Variants in USP31 observed in about 807,000 individuals in gnomAD.
The protein encoded by USP31 is ubiquitin carboxyl-terminal hydrolase 31.
Under a neutral mutation model 119.4 loss-of-function variants are expected in USP31, and 44 were observed. That is an observed-to-expected ratio of 0.37 (90% CI 0.29 to 0.47). The LOEUF is 0.47. USP31 is among the 20% of genes least tolerant of loss of function. USP31 has a pLI of 0.99. For missense variants in USP31, 1,643 were observed against 1,730.2 expected, an observed-to-expected ratio of 0.95 and a Z score of 0.89; for synonymous variants, 749 against 705.6, an observed-to-expected ratio of 1.06 and a Z score of -0.97.
At chr16:23,137,704 CTAAGTA>C (rs1903234943) in intron 1 of USP31, among the ~76,000 whole-genome samples, 1 of 151,124 alleles carries the variant, frequency 6.6e-6, no homozygotes, top group African/African-American at 2.4e-5. Context: ...TTTTGATGTT[CTAAGTA>C]TATGTCTGGA....
At chr16:23,099,254 C>A (rs1204289828) in intron 6 of USP31, among the ~76,000 whole-genome samples, 26 of 152,192 alleles carry the variant, frequency 1.7e-4, no homozygotes, top group Admixed American at 1.7e-3. Flanking sequence ...AAATGCAAAT[C>A]AAAACCACAA....
At chr16:23,102,769 T>C (rs1901937076) in intron 5 of USP31, among the ~76,000 whole-genome samples, 1 of 152,228 alleles carries the variant, frequency 6.6e-6, no homozygotes, top group South Asian at 2.1e-4. Context: ...AGAGTCTATT[T>C]TTTCTTGTCA....
chr16:23,087,758 A>T lies in USP31; in HGVS notation c.1493T>A (p.Met498Lys). Residue 498 changes from methionine (M) to lysine (K), a missense_variant, in exon 8 of 16, where the codon ATG becomes AAG. Met to Lys is a moderately conservative substitution (Grantham distance 95). Around this residue, in one of 5 missense-constraint regions of USP31, gnomAD observed 219 missense variants for 226.4 expected, o/e 0.97. Transcript: ENST00000219689. The stretch of plus-strand genomic sequence containing the variant: ...AACCGTGGGCCTCAAGAAATACTTC[A>T]TCTTCTCCAAGATTTCCTTCTGCAG... ...DLLQKEILEKMKYFLRPTVCI... is the reference protein window; with the variant it reads ...DLLQKEILEKKKYFLRPTVCI... 6.2e-7 allele frequency: 1 copy of T among 1,614,106 alleles called. No individual in the cohort carries two copies.
chr16:23,145,548 G>A (rs1256919229), intron 1 of USP31, among the ~76,000 whole-genome samples: 1 of 152,164 alleles, frequency 6.6e-6, no homozygotes, highest in East Asian at 1.9e-4. Context: ...AGCCTGCTGA[G>A]GGGGCTTCTG....
chr16:23,083,819 C>A (rs1234669611), intron 11 of USP31, among the ~76,000 whole-genome samples: 3 of 149,712 alleles, frequency 2.0e-5, no homozygotes, highest in Non-Finnish European at 4.4e-5. Flanking sequence ...AAGCTATTTT[C>A]AAATATTCGA....
At chr16:23,113,634 G>C (rs923367251) in intron 1 of USP31, among the ~76,000 whole-genome samples, 1 of 152,082 alleles carries the variant, frequency 6.6e-6, no homozygotes, top group Non-Finnish European at 1.5e-5. Flanking sequence ...TATCAGAGAG[G>C]GTTAAAAGAA....
intron 13 of USP31, among the ~76,000 whole-genome samples, chr16:23,078,466 C>T (rs113334177): frequency 6.6e-6 from 1 of 152,146 alleles, no homozygotes; most frequent in African/African-American, 2.4e-5. Context: ...ACCTGTCTAT[C>T]CACCCCACTC....
chr16:23,074,625 T>TC (rs111425947), intron 13 of USP31, among the ~76,000 whole-genome samples: 39 of 152,306 alleles, frequency 2.6e-4, no homozygotes, highest in African/African-American at 8.7e-4. Flanking sequence ...TGAAGCCCTA[T>TC]CCTGCCCTGC....
chr16:23,082,296 G>A (rs1180542073), intron 12 of USP31, 142 bp downstream of exon 12: 2 of 1,124,932 alleles, frequency 1.8e-6, no homozygotes, highest in Non-Finnish European at 2.5e-6. Flanking sequence ...AAACACAGGG[G>A]CAAAAGTGTG....
intron 1 of USP31, among the ~76,000 whole-genome samples, chr16:23,119,543 G>A (rs1323324696): frequency 6.6e-6 from 1 of 152,184 alleles, no homozygotes; most frequent in Non-Finnish European, 1.5e-5. Flanking sequence ...CATTCTAAAT[G>A]TCAATTCTCA....
chr16:23,068,865 A>G lies in USP31; in HGVS notation c.3240T>C (p.Ser1080=), dbSNP rs1372938766. The G allele has an allele frequency of 6.3e-7, 1 of 1,582,278 alleles. No homozygotes were observed. Residue 1080 remains serine (S), a synonymous_variant, in exon 16 of 16, where the codon TCT becomes TCC. Transcript: ENST00000219689. ...PSRSRSKADS[S]SRGSGRHSSP... is the part of the protein sequence containing the mutation. ...ATGAATGCCGTCCACTGCCCCTGGAAGAAGAATCTGCTTTGCTGCGGGAGC... is the reference window on the plus strand; with the variant it reads ...ATGAATGCCGTCCACTGCCCCTGGAGGAAGAATCTGCTTTGCTGCGGGAGC...
chr16:23,109,621 A>T (rs963324510), intron 1 of USP31, among the ~76,000 whole-genome samples: 2 of 152,174 alleles, frequency 1.3e-5, no homozygotes, highest in Non-Finnish European at 2.9e-5. Flanking sequence ...GAATGGAAAG[A>T]GGAGTAGAAA....
chr16:23,133,348 T>C (rs768792291), intron 1 of USP31, among the ~76,000 whole-genome samples: 1 of 152,160 alleles, frequency 6.6e-6, no homozygotes, highest in Non-Finnish European at 1.5e-5. Context: ...TCTTTGGTTG[T>C]GCCACGTTCC....
intron 1 of USP31, among the ~76,000 whole-genome samples, chr16:23,115,145 G>A (rs1032941484): frequency 1.1e-4 from 16 of 152,150 alleles, no homozygotes; most frequent in Admixed American, 1.0e-3. Flanking sequence ...TTCTCCAAGA[G>A]TCCCGGAAAG....
chr16:23,115,542 A>T (rs1246572973), intron 1 of USP31, among the ~76,000 whole-genome samples: 2 of 152,198 alleles, frequency 1.3e-5, no homozygotes, highest in Non-Finnish European at 2.9e-5. Flanking sequence ...TAGAACATGC[A>T]CCTTCTTAAA....
chr16:23,142,762 G>A (rs1257667533), intron 1 of USP31, among the ~76,000 whole-genome samples: 1 of 152,162 alleles, frequency 6.6e-6, no homozygotes, highest in Non-Finnish European at 1.5e-5. Context: ...TCAAGTGATG[G>A]CATTTGATGG....
At chr16:23,106,338 A>G in intron 3 of USP31, 33 bp from the exon 4 acceptor site, 1 of 1,613,892 alleles carries the variant, frequency 6.2e-7, no homozygotes, top group South Asian at 1.1e-5. Context: ...GCTTGACATT[A>G]AAATCACCCA....
chr16:23,100,890 G>C (rs894395580), intron 6 of USP31, among the ~76,000 whole-genome samples: 1 of 152,134 alleles, frequency 6.6e-6, no homozygotes, highest in African/African-American at 2.4e-5. Context: ...AAATGGTAAG[G>C]AACATGGAAA....
At chr16:23,124,417 G>A (rs1356126316) in intron 1 of USP31, among the ~76,000 whole-genome samples, 2 of 152,134 alleles carry the variant, frequency 1.3e-5, no homozygotes, top group African/African-American at 4.8e-5. Context: ...TCCCCAAAAC[G>A]CCAGGCACAT....
Sources: allele counts gnomAD v4.1 joint callset (sites outside exome capture counted in the v4.1 genomes callset), GRCh38; gene constraint gnomAD v4.1.1; regional missense constraint gnomAD v4.1.1; transcripts MANE v1.5; gene names NCBI Gene and HGNC (gene_info 2026-07-23, HGNC 2026-07-21).